EPB41L4A: variants seen among roughly 807,000 people sequenced by gnomAD.
EPB41L4A encodes band 4.1-like protein 4A.
Under a neutral mutation model 108.6 loss-of-function variants are expected in EPB41L4A, and 100 were observed. The observed-to-expected ratio is 0.92, with a 90% confidence interval of 0.78 to 1.09. The LOEUF (loss-of-function observed/expected upper bound fraction) is 1.09, where lower values mean the gene tolerates loss of function less well. Ranked by LOEUF, EPB41L4A falls within the 50% of genes least tolerant of loss-of-function variation. The pLI, the probability that EPB41L4A is intolerant of heterozygous loss-of-function variation, is 0.00. For missense variants in EPB41L4A, 1,030 were observed against 842.7 expected (o/e 1.22, Z -2.75); for synonymous variants, 319 against 289.0 (o/e 1.10, Z -1.05).
At chr5:112,317,990 T>C (rs1755537578) in intron 1 of EPB41L4A, among the ~76,000 whole-genome samples, 1 of 152,102 alleles carries the variant, frequency 6.6e-6, no homozygotes, top group Admixed American at 6.5e-5. Context: ...CAAAGGAATG[T>C]CCTTGATGAC....
At chr5:112,158,523 C>A (rs1759728716), downstream of EPB41L4A, 1 of 297,640 alleles carries the variant, frequency 3.4e-6, no homozygotes, top group African/African-American at 2.2e-5. Context: ...TTTCCTCTCT[C>A]TCACTGCATT....
At chr5:112,246,191 T>C (rs943711616) in intron 9 of EPB41L4A, among the ~76,000 whole-genome samples, 3 of 152,104 alleles carry the variant, frequency 2.0e-5, no homozygotes, top group Admixed American at 6.6e-5. Flanking sequence ...TTTCTTTTAG[T>C]TTTCTTTTTT....
intron 1 of EPB41L4A, among the ~76,000 whole-genome samples, chr5:112,396,182 G>A (rs973141252): frequency 2.0e-5 from 3 of 151,856 alleles, no homozygotes; most frequent in Non-Finnish European, 2.9e-5. Flanking sequence ...AAACCAACAT[G>A]GCACATGTAT....
intron 12 of EPB41L4A, among the ~76,000 whole-genome samples, chr5:112,212,072 A>C (rs1158090870): frequency 6.6e-6 from 1 of 152,198 alleles, no homozygotes; most frequent in East Asian, 1.9e-4. Context: ...ACGTGCCATC[A>C]AACGTCAGCA....
chr5:112,217,188 C>A (rs915894189), intron 12 of EPB41L4A, among the ~76,000 whole-genome samples: 1 of 152,174 alleles, frequency 6.6e-6, no homozygotes, highest in Non-Finnish European at 1.5e-5. Flanking sequence ...AGGTGATCCA[C>A]CTGCCTCAGC....
At chr5:112,365,829 C>T (rs1261383021) in intron 1 of EPB41L4A, among the ~76,000 whole-genome samples, 1 of 152,056 alleles carries the variant, frequency 6.6e-6, no homozygotes, top group Non-Finnish European at 1.5e-5. Context: ...GAGAGATGCC[C>T]CTCAATTTGA....
At chr5:112,317,001 C>A (rs989491219) in intron 1 of EPB41L4A, among the ~76,000 whole-genome samples, 2 of 152,194 alleles carry the variant, frequency 1.3e-5, no homozygotes, top group Non-Finnish European at 2.9e-5. Context: ...CCAGATCTGG[C>A]ACAGCATCAG....
intron 1 of EPB41L4A, among the ~76,000 whole-genome samples, chr5:112,390,399 G>T (rs886324663): frequency 6.6e-6 from 1 of 152,140 alleles, no homozygotes; most frequent in Non-Finnish European, 1.5e-5. Context: ...ATTACATCCC[G>T]CACCTGGCTC....
intron 2 of EPB41L4A, among the ~76,000 whole-genome samples, chr5:112,288,450 C>G (rs899621346): frequency 4.6e-5 from 7 of 152,154 alleles, no homozygotes; most frequent in Admixed American, 3.3e-4. Context: ...CGCAAATACA[C>G]ACTACTTTTT....
intron 1 of EPB41L4A, among the ~76,000 whole-genome samples, chr5:112,386,683 A>G (rs1760554544): frequency 6.6e-6 from 1 of 152,220 alleles, no homozygotes; most frequent in East Asian, 1.9e-4. Flanking sequence ...TTTTAATCCC[A>G]TATTTAGGAT....
At chr5:112,314,034 G>T (rs186344058) in intron 1 of EPB41L4A, among the ~76,000 whole-genome samples, 22 of 151,722 alleles carry the variant, frequency 1.5e-4, no homozygotes, top group Admixed American at 1.4e-3. Context: ...CGGCTAATTT[G>T]TATTTTTAGT....
At chr5:112,377,557 G>A (rs191855120) in intron 1 of EPB41L4A, among the ~76,000 whole-genome samples, 1 of 152,224 alleles carries the variant, frequency 6.6e-6, no homozygotes, top group Admixed American at 6.5e-5. Flanking sequence ...TTTCATCCAT[G>A]ATTCATGAGG....
At chr5:112,251,424 T>A (rs912216173) in intron 9 of EPB41L4A, among the ~76,000 whole-genome samples, 5 of 152,180 alleles carry the variant, frequency 3.3e-5, no homozygotes, top group African/African-American at 1.2e-4. Context: ...GGTACACACA[T>A]TCAATACAGT....
intron 1 of EPB41L4A, among the ~76,000 whole-genome samples, chr5:112,391,309 G>T (rs992138850): frequency 6.6e-6 from 1 of 152,040 alleles, no homozygotes; most frequent in Admixed American, 6.6e-5. Flanking sequence ...CAAACCCATC[G>T]CAAGGAAGCT....
At chr5:112,330,039 T>A (rs1169242997) in intron 1 of EPB41L4A, among the ~76,000 whole-genome samples, 1 of 152,014 alleles carries the variant, frequency 6.6e-6, no homozygotes, top group African/African-American at 2.4e-5. Context: ...AAAGATCAAA[T>A]AAAATGAATC....
In EPB41L4A at chr5:112,164,034, TA is replaced by T. The variant is rs1760077960; in HGVS notation, c.*955del. On this transcript the variant is annotated 3_prime_UTR_variant, in exon 23 of 23. Transcript: ENST00000261486. ...CAAAGTCATCTATGGAGAGGAAAGG[TA>T]CAAAATAGTCACTGGGGAGAGCAGG... 1 of 152,152 alleles carries T rather than the reference TA, an allele frequency of 6.6e-6. No homozygotes were observed. The highest frequency in any genetic ancestry group is 2.4e-5 in the African/African-American group (1 of 41,384). 9.4% of individuals were successfully genotyped at this position (152,152 alleles called of 1,614,324 possible). A position where few individuals can be genotyped will look rare whatever the true frequency, so the allele number is the denominator to read the frequency against.
intron 1 of EPB41L4A, among the ~76,000 whole-genome samples, chr5:112,364,640 T>A (rs1360024623): frequency 2.0e-5 from 3 of 152,194 alleles, no homozygotes; most frequent in Non-Finnish European, 4.4e-5. Context: ...TTCCCTCCTA[T>A]CAAATTAATG....
chr5:112,195,556 A>G, intron 16 of EPB41L4A, 105 bp downstream of exon 16: 1 of 980,402 alleles, frequency 1.0e-6, no homozygotes. Context: ...TGAAAGTAAA[A>G]AAAATAAAAA....
chr5:112,272,457 A>G (rs572862637), intron 4 of EPB41L4A, among the ~76,000 whole-genome samples: 45 of 151,988 alleles, frequency 3.0e-4, no homozygotes, highest in African/African-American at 1.0e-3. Context: ...TTTTTAAAAA[A>G]GGAAACAACC....
Sources: gnomAD v4.1 joint callset for allele counts (sites outside exome capture counted in the v4.1 genomes callset) on GRCh38, gnomAD v4.1.1 for gene constraint, MANE v1.5 for transcripts, NCBI Gene and HGNC (gene_info 2026-07-23, HGNC 2026-07-21) for gene names.